KIF16B: variants seen among roughly 807,000 people sequenced by gnomAD.
The protein encoded by KIF16B is kinesin family member 16B.
Under a neutral mutation model 156.3 loss-of-function variants are expected in KIF16B, and 98 were observed. The observed-to-expected ratio is 0.63, with a 90% CI of 0.53 to 0.74. The LOEUF (loss-of-function observed/expected upper bound fraction) is 0.74, where lower values mean the gene tolerates loss of function less well. Among genes scored for constraint, KIF16B ranks in the 30% least tolerant of loss-of-function variants. The pLI, the probability that KIF16B is intolerant of heterozygous loss-of-function variation, is 0.00. For missense variants in KIF16B, 1,421 were observed against 1,606.5 expected, an observed-to-expected ratio of 0.88 and a Z score of 1.97; for synonymous variants, 564 against 583.7, an observed-to-expected ratio of 0.97 and a Z score of 0.49.
intron 12 of KIF16B, among the ~76,000 whole-genome samples, chr20:16,435,877 C>T (rs1295085618): frequency 2.0e-5 from 3 of 152,130 alleles, no homozygotes; most frequent in Non-Finnish European, 2.9e-5. Context: ...CTTTATTCTA[C>T]AATCTTTCTT....
chr20:16,363,413 G>A (rs2064590646), intron 22 of KIF16B, among the ~76,000 whole-genome samples: 1 of 152,186 alleles, frequency 6.6e-6, no homozygotes, highest in Non-Finnish European at 1.5e-5. Context: ...AGTCCTACAA[G>A]TTTTATCTGA....
At chr20:16,410,523 T>G (rs911983120) in intron 15 of KIF16B, among the ~76,000 whole-genome samples, 3 of 151,964 alleles carry the variant, frequency 2.0e-5, no homozygotes, top group Non-Finnish European at 1.5e-5. Context: ...AACATGAAAT[T>G]TATTTATGCT....
At chr20:16,422,235 G>T (rs2066243834) in intron 15 of KIF16B, among the ~76,000 whole-genome samples, 2 of 152,072 alleles carry the variant, frequency 1.3e-5, no homozygotes, top group African/African-American at 2.4e-5. Context: ...TTAAGGCGGT[G>T]GGGAAGGTAG....
rs1265915802 is a variant in KIF16B, at chr20:16,379,430, G to C, written c.2572C>G (p.Gln858Glu). The C allele has an allele frequency of 6.2e-7, 1 of 1,613,182 alleles. No individual in the cohort carries two copies. Among genetic ancestry groups the C allele is most frequent in the Non-Finnish European group, 8.5e-7 (1 of 1,179,836 alleles). ...CATTTTAAACACTCTAGGATCTCCT[G>C]TTCTTCTTGGACTTCTTTTTTCAGG... is the stretch of plus-strand genomic sequence containing the variant. ...DILKKEVQEE[Q>E]EILECLKCEH... Residue 858 changes from glutamine to glutamate, a missense_variant, in exon 19 of 26, where the codon CAG becomes GAG. Transcript: ENST00000354981.
rs529230676 is a variant in KIF16B, at chr20:16,430,856, T to TAA, written c.1303-875_1303-874insTT. ...TATACTGTGTGTGTGTATGTATATATATATATATATGTACACCAACCCAAC... is the reference window on the plus strand; with the variant it reads ...TATACTGTGTGTGTGTATGTATATATAAATATATATATGTACACCAACCCAAC... On this transcript the variant is annotated intron_variant, in intron 12 of 25. Coordinates refer to ENST00000354981, the MANE Select transcript of KIF16B (RefSeq NM_024704.5). 4.7e-4 allele frequency among the ~76,000 whole-genome samples: 71 copies of TAA among 151,630 alleles called. 2 individuals carry two copies. The highest frequency in any genetic ancestry group is 1.7e-3 in the African/African-American group (70 of 41,324).
intron 1 of KIF16B, among the ~76,000 whole-genome samples, chr20:16,559,550 C>T (rs895365488): frequency 6.6e-6 from 1 of 152,106 alleles, no homozygotes; most frequent in African/African-American, 2.4e-5. Context: ...AGAAGGATCA[C>T]TTGAGCCCAA....
intron 12 of KIF16B, among the ~76,000 whole-genome samples, chr20:16,441,987 C>T (rs1393681665): frequency 6.6e-6 from 1 of 152,100 alleles, no homozygotes; most frequent in Non-Finnish European, 1.5e-5. Flanking sequence ...GATATACAGT[C>T]CTGCATCACT....
chr20:16,367,306 T>C, intron 22 of KIF16B: 3 of 1,612,892 alleles, frequency 1.9e-6, no homozygotes, highest in Non-Finnish European at 2.5e-6. Flanking sequence ...AGGTGGACTA[T>C]TTCTGGAACC....
At chr20:16,290,734 TGAA>T (rs1029779500) in intron 25 of KIF16B, among the ~76,000 whole-genome samples, 13 of 152,096 alleles carry the variant, frequency 8.5e-5, no homozygotes, top group African/African-American at 2.7e-4. Context: ...CCCCACCCCA[TGAA>T]GAAGATTAGC....
intron 12 of KIF16B, among the ~76,000 whole-genome samples, chr20:16,486,406 T>C (rs1315474455): frequency 6.6e-6 from 1 of 152,230 alleles, no homozygotes; most frequent in Non-Finnish European, 1.5e-5. Flanking sequence ...GCAATCCTAG[T>C]TAATTGGAAC....
At chr20:16,536,282 A>C (rs1403813510) in intron 1 of KIF16B, among the ~76,000 whole-genome samples, 1 of 152,128 alleles carries the variant, frequency 6.6e-6, no homozygotes, top group African/African-American at 2.4e-5. Flanking sequence ...GTGGGAGATT[A>C]AAAAATGGAT....
chr20:16,341,930 G>A (rs539516038), intron 23 of KIF16B, among the ~76,000 whole-genome samples: 1 of 152,306 alleles, frequency 6.6e-6, no homozygotes, highest in African/African-American at 2.4e-5. Context: ...TCACACCCCA[G>A]ACAACGTGTG....
chr20:16,539,339 G>A (rs879688846), intron 1 of KIF16B, among the ~76,000 whole-genome samples: 5 of 152,208 alleles, frequency 3.3e-5, no homozygotes, highest in African/African-American at 4.8e-5. Flanking sequence ...CCAGGCTGCT[G>A]AGGTCTCAGG....
intron 25 of KIF16B, among the ~76,000 whole-genome samples, chr20:16,294,804 G>T (rs1051021632): frequency 6.6e-6 from 1 of 152,064 alleles, no homozygotes; most frequent in Admixed American, 6.5e-5. Flanking sequence ...GTGAGTAAGG[G>T]GGACTCCAGC....
chr20:16,505,141 G>T (rs1600567598), intron 9 of KIF16B, among the ~76,000 whole-genome samples: 1 of 152,288 alleles, frequency 6.6e-6, no homozygotes, highest in East Asian at 1.9e-4. Flanking sequence ...ATGAAGAGAG[G>T]GGAAGGGAAG....
intron 12 of KIF16B, among the ~76,000 whole-genome samples, chr20:16,491,863 C>T (rs776449086): frequency 8.5e-5 from 13 of 152,108 alleles, no homozygotes; most frequent in Non-Finnish European, 1.3e-4. Flanking sequence ...GGGAAGCCAC[C>T]GACTAGGTAG....
chr20:16,531,606 G>GT (rs1402907925), intron 1 of KIF16B, among the ~76,000 whole-genome samples: 3 of 152,186 alleles, frequency 2.0e-5, no homozygotes, highest in Non-Finnish European at 4.4e-5. Context: ...AATGACAAGT[G>GT]TAAGTGGGAA....
chr20:16,398,144 G>C (rs2065558895), intron 17 of KIF16B, among the ~76,000 whole-genome samples: 1 of 152,236 alleles, frequency 6.6e-6, no homozygotes, highest in Non-Finnish European at 1.5e-5. Context: ...AGCTTCCTGA[G>C]GATACGACTC....
intron 22 of KIF16B, among the ~76,000 whole-genome samples, chr20:16,362,071 T>C (rs1480907995): frequency 6.6e-6 from 1 of 152,232 alleles, no homozygotes; most frequent in African/African-American, 2.4e-5. Context: ...TGGCTCTCAC[T>C]ATTAAGCATG....
Sources: allele counts gnomAD v4.1 joint callset (sites outside exome capture counted in the v4.1 genomes callset), GRCh38; gene constraint gnomAD v4.1.1; transcripts MANE v1.5; gene names NCBI Gene and HGNC (gene_info 2026-07-23, HGNC 2026-07-21).